The following KHDC4 variants were observed in gnomAD, a reference collection of about 807,000 sequenced individuals.
KHDC4 encodes the protein KH homology domain-containing protein 4.
KHDC4 carries 19 observed loss-of-function variants against 74.5 expected under a neutral mutation model. The ratio of observed to expected loss-of-function variants is 0.26; its 90% CI spans 0.18 to 0.37. The LOEUF (loss-of-function observed/expected upper bound fraction) is 0.37, where lower values mean the gene tolerates loss of function less well. KHDC4 is among the 10% of genes least tolerant of loss of function. The pLI is 1.00. For missense variants in KHDC4, 632 were observed against 754.1 expected (o/e 0.84, Z 1.90); for synonymous variants, 253 against 266.1 (o/e 0.95, Z 0.48).
intron 2 of KHDC4, chr1:155,932,137 T>C (rs950176182): frequency 6.6e-6 from 1 of 152,226 alleles, no homozygotes; most frequent in East Asian, 1.9e-4. Flanking sequence ...ATTTGTATTA[T>C]TTAGACAAGG....
intron 7 of KHDC4, among the ~76,000 whole-genome samples, chr1:155,925,172 G>A (rs574390824): frequency 2.6e-5 from 4 of 151,944 alleles, no homozygotes; most frequent in South Asian, 4.2e-4. Flanking sequence ...GACTACAGGC[G>A]CCTGCCACCA....
At chr1:155,921,991 T>C (rs1557968174) in intron 8 of KHDC4, 73 bp from the exon 9 acceptor site, 1 of 887,408 alleles carries the variant, frequency 1.1e-6, no homozygotes, top group Non-Finnish European at 1.8e-6. Context: ...GATTACATAA[T>C]TCTAGGACCA....
intron 2 of KHDC4, among the ~76,000 whole-genome samples, chr1:155,931,536 C>T (rs1159307706): frequency 2.0e-5 from 3 of 152,196 alleles, no homozygotes; most frequent in African/African-American, 7.2e-5. Flanking sequence ...CAGTCACTGC[C>T]TGGGCAATCA....
Position 155,914,273 on chromosome 1 carries a change from C to G in KHDC4, c.1693G>C (p.Val565Leu). The change falls in exon 14 of 14, where the codon GTG becomes CTG. Residue 565 changes from valine (V) to leucine (L), a missense_variant. Physicochemically the swap from Val to Leu is conservative, Grantham distance 32 (BLOSUM62 1). Transcript: ENST00000368321. ...TCAGATGAATCTGCAGCATAAGCCA[C>G]CAAGCCAAATCCCTTCTCTGTAGTT... ...MKTTEKGFGL[V>L]AYAADSSDEE... 1 of 1,613,924 alleles carries G rather than the reference C, an allele frequency of 6.2e-7. No individual in the cohort carries two copies. Among genetic ancestry groups the G allele is most frequent in the South Asian group, 1.1e-5 (1 of 91,082 alleles).
intron 9 of KHDC4, 115 bp downstream of exon 9, chr1:155,921,746 A>G: frequency 7.0e-7 from 1 of 1,432,550 alleles, no homozygotes; most frequent in Non-Finnish European, 9.6e-7. Flanking sequence ...TTTCCAAATT[A>G]CCCTAAATTA....
At chr1:155,918,341 C>T (rs1236041279) in intron 10 of KHDC4, among the ~76,000 whole-genome samples, 1 of 152,114 alleles carries the variant, frequency 6.6e-6, no homozygotes. Context: ...CAGGTTCAAG[C>T]GATTCTCTTG....
intron 9 of KHDC4, 70 bp from the exon 10 acceptor site, chr1:155,921,698 T>G: frequency 6.4e-7 from 1 of 1,553,016 alleles, no homozygotes; most frequent in Non-Finnish European, 8.8e-7. Context: ...ATATTAAACT[T>G]AATATCTAGG....
chr1:155,926,778 T>G lies in KHDC4; in HGVS notation c.579A>C (p.Thr193=). Residue 193 remains threonine, a synonymous_variant, in exon 6 of 14, where the codon ACA becomes ACC. Transcript: ENST00000368321. ...CTGTTGCACCATTAAAAGTTGGACT[T>G]GTTCCTGTGGCAGCTTTTACCACTC... The part of the protein sequence containing the change: ...TNGVVKAATG[T]SPTFNGATVT... 3 of 1,614,162 alleles carry G rather than the reference T, an allele frequency of 1.9e-6. No homozygotes were observed. The highest frequency in any genetic ancestry group is 2.5e-6 in the Non-Finnish European group (3 of 1,180,006).
At position 155,929,387 on chromosome 1, in the gene KHDC4, A is replaced by T. The variant is rs1674095642; in HGVS notation, c.385-12T>A. 1.2e-6 allele frequency: 2 copies of T among 1,607,950 alleles called. No homozygotes were observed. The highest frequency in any genetic ancestry group is 1.7e-6 in the Non-Finnish European group (2 of 1,175,778). On this transcript the variant is annotated splice_polypyrimidine_tract_variant and intron_variant, in intron 3 of 13. Coordinates refer to ENST00000368321, the MANE Select transcript of KHDC4 (RefSeq NM_014949.4). ...CTAAGTCGGCTGATCTAAAAAAGGA[A>T]ATGTTCAATTAAAAAAATGTGGCAA...
chr1:155,926,883 T>A, intron 5 of KHDC4, 44 bp from the exon 6 acceptor site: 1 of 1,600,940 alleles, frequency 6.2e-7, no homozygotes. Flanking sequence ...ATGAACTGAC[T>A]AGTGCCCAGG....
intron 2 of KHDC4, among the ~76,000 whole-genome samples, chr1:155,932,967 C>T (rs1674174324): frequency 6.6e-6 from 1 of 152,070 alleles, no homozygotes; most frequent in Non-Finnish European, 1.5e-5. Context: ...TAAAACCCTA[C>T]AGGTTCTAAT....
chr1:155,926,430 A>G (rs1673999739), intron 6 of KHDC4: 1 of 475,524 alleles, frequency 2.1e-6, no homozygotes, highest in South Asian at 2.0e-5. Flanking sequence ...CCCGGCTTCA[A>G]GCAATTCTCC....
chr1:155,923,366 A>G (rs1023868633), intron 8 of KHDC4, among the ~76,000 whole-genome samples: 1 of 152,178 alleles, frequency 6.6e-6, no homozygotes, highest in Non-Finnish European at 1.5e-5. Flanking sequence ...AACCAACACA[A>G]TGACCAGGTG....
chr1:155,919,400 G>A (rs1261489636), intron 10 of KHDC4, among the ~76,000 whole-genome samples: 3 of 152,178 alleles, frequency 2.0e-5, no homozygotes, highest in African/African-American at 7.2e-5. Flanking sequence ...GGTGGCTTAT[G>A]CCTGTAATCC....
chr1:155,932,421 TAACTGTGGATTCTGGGTTTCA>T (rs1267605290), intron 2 of KHDC4: 23 of 152,302 alleles, frequency 1.5e-4, no homozygotes, highest in African/African-American at 4.3e-4. Flanking sequence ...ATGTAACCAG[TAACTGTGGATTCTGGGTTTCA>T]AACTGTGGAT....
chr1:155,926,735 G>A lies in KHDC4; in HGVS notation c.622C>T (p.Pro208Ser). 1 of 1,614,170 alleles carries A rather than the reference G, an allele frequency of 6.2e-7. No individual in the cohort carries two copies. Among genetic ancestry groups the A allele is most frequent in the South Asian group, 1.1e-5 (1 of 91,088 alleles). The change falls in exon 6 of 14, where the codon CCA (proline) becomes TCA (serine). Residue 208 changes from proline (P) to serine (S), a missense_variant. This residue lies in a region of KHDC4 where 233 missense variants were observed against 342.6 expected (regional missense o/e 0.68). Coordinates refer to ENST00000368321, the MANE Select transcript of KHDC4 (RefSeq NM_014949.4). ...NGATVTVYHQ[P>S]APIAQLSPAV... is the part of the protein sequence containing the mutation. Reference sequence around the variant, plus strand: ...GGAGACAACTGAGCGATGGGTGCTGGCTGGTGATAGACAGTTACTGTTGCA... The same window carrying A: ...GGAGACAACTGAGCGATGGGTGCTGACTGGTGATAGACAGTTACTGTTGCA...
chr1:155,922,677 G>A (rs899565833), intron 8 of KHDC4, among the ~76,000 whole-genome samples: 13 of 152,048 alleles, frequency 8.5e-5, no homozygotes, highest in Admixed American at 5.2e-4. Context: ...TTTAGTAAGG[G>A]TTTCGTATTT....
Position 155,932,019 on chromosome 1 carries a change from A to G in KHDC4, c.255+1614T>C, listed in dbSNP as rs75481435. 4.6e-3 allele frequency among the ~76,000 whole-genome samples: 698 copies of G among 152,352 alleles called. 8 individuals carry two copies. Among genetic ancestry groups the G allele is most frequent in the African/African-American group, 0.016 (669 of 41,578 alleles). ...CTCTTGAGCACTTGGCAGGTGGCTA[A>G]TGTGACTAAAGGTCTAAATTTTAAA... On this transcript the variant is annotated intron_variant, in intron 2 of 13. Coordinates refer to ENST00000368321, the MANE Select transcript of KHDC4 (RefSeq NM_014949.4).
At chr1:155,915,639 C>G (rs1673714826) in intron 13 of KHDC4, 2 of 446,756 alleles carry the variant, frequency 4.5e-6, no homozygotes, top group Non-Finnish European at 7.8e-6. Context: ...CCCTGAGTAG[C>G]TGGAATTACA....
Sources: gnomAD v4.1 joint callset for allele counts (sites outside exome capture counted in the v4.1 genomes callset) on GRCh38, gnomAD v4.1.1 for gene constraint, gnomAD v4.1.1 regional missense constraint, MANE v1.5 for transcripts, NCBI Gene and HGNC (gene_info 2026-07-23, HGNC 2026-07-21) for gene names.